The following FREM1 variants were observed in gnomAD, a reference collection of about 807,000 sequenced individuals.
FREM1 encodes the protein FRAS1 related extracellular matrix 1, also known as FRAS1-related extracellular matrix protein 1.
Under a neutral mutation model 210.1 loss-of-function variants are expected in FREM1, and 220 were observed. The observed-to-expected ratio is 1.05, with a 90% CI of 0.94 to 1.17. The LOEUF is 1.17. FREM1 is among the 50% of genes most tolerant of loss of function. FREM1 has a pLI of 0.00. For missense variants in FREM1, 3,454 were observed against 2,675.5 expected (o/e 1.29, Z -6.42); for synonymous variants, 1,189 against 980.2 (o/e 1.21, Z -3.98).
At chr9:14,888,176 T>A (rs1388222007) in intron 1 of FREM1, among the ~76,000 whole-genome samples, 2 of 152,194 alleles carry the variant, frequency 1.3e-5, no homozygotes, top group Non-Finnish European at 2.9e-5. Context: ...GTTTAATCCC[T>A]ACTATGGTTT....
chr9:14,744,801 C>G (rs866452536), intron 35 of FREM1, among the ~76,000 whole-genome samples: 2 of 152,214 alleles, frequency 1.3e-5, no homozygotes, highest in South Asian at 4.1e-4. Flanking sequence ...ATGCATATAA[C>G]TTTATAAGAA....
In FREM1 at chr9:14,859,263, G is replaced by C. The variant is rs752234104; in HGVS notation, c.551C>G (p.Ala184Gly). The C allele has an allele frequency of 6.2e-7, 1 of 1,613,622 alleles. No individual in the cohort carries two copies. The highest frequency in any genetic ancestry group is 8.5e-7 in the Non-Finnish European group (1 of 1,179,650). Residue 184 changes from alanine (A) to glycine (G), a missense_variant, in exon 4 of 37, where the codon GCC becomes GGC. Physicochemically the swap from Ala to Gly is moderately conservative, Grantham distance 60 (BLOSUM62 0). Transcript: ENST00000380880. ...CTCCCCGAGAACCATCTGGCCATGG[G>C]CTGGCAGCCGAGTTCTCGCAGTGTC... ...SLDTARTRLP[A>G]HGQMVLGEPR...
At chr9:14,834,748 T>A (rs183605825) in intron 10 of FREM1, among the ~76,000 whole-genome samples, 1 of 152,204 alleles carries the variant, frequency 6.6e-6, no homozygotes, top group African/African-American at 2.4e-5. Flanking sequence ...CAATCTTTTT[T>A]AAGTTATATT....
chr9:14,827,011 TTAGGTA>T (rs1822584164), intron 10 of FREM1, among the ~76,000 whole-genome samples: 1 of 152,176 alleles, frequency 6.6e-6, no homozygotes, highest in South Asian at 2.1e-4. Context: ...TAAGACAGAG[TTAGGTA>T]CTGAAATACC....
chr9:14,769,146 G>C (rs1482706302), intron 27 of FREM1, among the ~76,000 whole-genome samples: 2 of 152,092 alleles, frequency 1.3e-5, no homozygotes, highest in African/African-American at 4.8e-5. Flanking sequence ...TGTTACTCTT[G>C]CTATTTTGAG....
chr9:14,772,945 GT>G lies in FREM1; in HGVS notation c.4858-2140del, dbSNP rs530469295. Among the ~76,000 whole-genome samples the G allele has an allele frequency of 3.9e-3, 600 of 152,272 alleles. 4 individuals are homozygous for G. The highest frequency in any genetic ancestry group is 0.014 in the African/African-American group (567 of 41,570). Reference sequence around the variant, plus strand: ...TAATAAATGCCTGTCGTGATCATGTGTTTTTAAAAGGACATCTAAACTCTAG... The same window carrying G: ...TAATAAATGCCTGTCGTGATCATGTGTTTTAAAAGGACATCTAAACTCTAG... On this transcript the variant is annotated intron_variant, in intron 25 of 36. Coordinates refer to ENST00000380880, the MANE Select transcript of FREM1 (RefSeq NM_001379081.2).
chr9:14,901,917 T>C (rs1305201277), intron 1 of FREM1, among the ~76,000 whole-genome samples: 1 of 152,072 alleles, frequency 6.6e-6, no homozygotes, highest in Non-Finnish European at 1.5e-5. Context: ...AGTGGCTTGA[T>C]CACGGATCAC....
intron 10 of FREM1, among the ~76,000 whole-genome samples, chr9:14,825,565 A>G (rs1822285415): frequency 7.0e-6 from 1 of 142,824 alleles, no homozygotes; most frequent in African/African-American, 2.6e-5. Flanking sequence ...ATATATATAT[A>G]TATATACCAC....
intron 27 of FREM1, among the ~76,000 whole-genome samples, chr9:14,764,054 G>A (rs1239734390): frequency 6.6e-6 from 1 of 152,150 alleles, no homozygotes; most frequent in African/African-American, 2.4e-5. Flanking sequence ...GAGGGACCTG[G>A]TGGGAGATAA....
chr9:14,750,392 T>C (rs1587696145), intron 29 of FREM1, 116 bp from the exon 30 acceptor site: 1 of 726,696 alleles, frequency 1.4e-6, no homozygotes, highest in Non-Finnish European at 2.2e-6. Context: ...GAGTGAGCTA[T>C]TGTACTGCTA....
At chr9:14,791,506 C>T (rs368162049) in intron 22 of FREM1, among the ~76,000 whole-genome samples, 10 of 152,180 alleles carry the variant, frequency 6.6e-5, no homozygotes, top group African/African-American at 2.4e-4. Flanking sequence ...ATGACTCCCA[C>T]GTGAAGTTTT....
chr9:14,895,879 C>T (rs1286701958), intron 1 of FREM1, among the ~76,000 whole-genome samples: 1 of 152,034 alleles, frequency 6.6e-6, no homozygotes, highest in African/African-American at 2.4e-5. Context: ...ATCTTCATCC[C>T]TCTACAACTC....
chr9:14,850,240 C>A (rs555380886), intron 6 of FREM1, among the ~76,000 whole-genome samples: 1 of 152,214 alleles, frequency 6.6e-6, no homozygotes, highest in African/African-American at 2.4e-5. Flanking sequence ...AGAGGTGGAA[C>A]CTGCAGCAAA....
In FREM1 at chr9:14,842,591, C is replaced by T. The variant is rs530016591; in HGVS notation, c.1463G>A (p.Ser488Asn). The change falls in exon 9 of 37, where the codon AGC (serine) becomes AAC (asparagine). Residue 488 changes from serine to asparagine, a missense_variant. Physicochemically the swap from Ser to Asn is conservative, Grantham distance 46 (BLOSUM62 1). Coordinates refer to ENST00000380880, the MANE Select transcript of FREM1 (RefSeq NM_001379081.2). ...GACCACGAAGTCTTTGGTGGAGTCGCTGTCATCATGATGATAGCGAACAAC... is the reference window on the plus strand; with the variant it reads ...GACCACGAAGTCTTTGGTGGAGTCGTTGTCATCATGATGATAGCGAACAAC... The part of the protein sequence containing the change: ...AGVVRYHHDD[S>N]DSTKDFVVFR... 50 of 1,613,964 alleles carry T rather than the reference C, an allele frequency of 3.1e-5. No individual in the cohort carries two copies. The South Asian group carries it at 5.4e-4, about 17-fold the overall frequency.
intron 1 of FREM1, among the ~76,000 whole-genome samples, chr9:14,869,782 T>G (rs1467489728): frequency 6.6e-6 from 1 of 152,194 alleles, no homozygotes; most frequent in Non-Finnish European, 1.5e-5. Flanking sequence ...TAAGAAACAT[T>G]TGAGTGGTAA....
intron 3 of FREM1, among the ~76,000 whole-genome samples, chr9:14,860,930 CAT>C (rs1256420449): frequency 3.1e-5 from 3 of 97,262 alleles, no homozygotes; most frequent in African/African-American, 6.6e-5. Context: ...CATATATACA[CAT>C]ATACACACAT....
intron 3 of FREM1, among the ~76,000 whole-genome samples, chr9:14,861,154 TAC>T (rs1564106339): frequency 3.8e-5 from 4 of 106,644 alleles, no homozygotes; most frequent in African/African-American, 1.3e-4. Flanking sequence ...TACACATATA[TAC>T]GTATATACAC....
Position 14,842,288 on chromosome 9 carries a change from C to T in FREM1, c.1738+28G>A, listed in dbSNP as rs777494392. 10 of 1,392,144 alleles carry T rather than the reference C, an allele frequency of 7.2e-6. No homozygotes were observed. The Middle Eastern group carries it at 7.5e-4, about 104-fold the overall frequency. 86.2% of individuals were successfully genotyped at this position (1,392,144 alleles called of 1,614,324 possible). A position where few individuals can be genotyped will look rare whatever the true frequency, so the allele number is the denominator to read the frequency against. The stretch of plus-strand genomic sequence containing the variant: ...TCTCTATGGAAGAGTGAATTCCATT[C>T]AAATGATCTTAACTGCCCAGAACTT... On this transcript the variant is annotated intron_variant, in intron 9 of 36. Transcript: ENST00000380880.
At chr9:14,741,507 A>C (rs965444724) in intron 35 of FREM1, among the ~76,000 whole-genome samples, 1 of 152,144 alleles carries the variant, frequency 6.6e-6, no homozygotes, top group African/African-American at 2.4e-5. Flanking sequence ...ATTGACTCTC[A>C]GCTCCTGTCT....
Sources: gnomAD v4.1 joint callset for allele counts (sites outside exome capture counted in the v4.1 genomes callset) on GRCh38, gnomAD v4.1.1 for gene constraint, MANE v1.5 for transcripts, NCBI Gene and HGNC (gene_info 2026-07-23, HGNC 2026-07-21) for gene names.